The following COX7B2 variants were observed in gnomAD, a reference collection of about 807,000 sequenced individuals.
COX7B2 encodes the protein cytochrome c oxidase subunit 7B2, mitochondrial.
For synonymous variants in COX7B2, 37 were observed against 32.1 expected, an observed-to-expected ratio of 1.15 and a Z score of -0.51; for missense variants, 109 against 95.9, an observed-to-expected ratio of 1.14 and a Z score of -0.57.
At chr4:46,898,696 A>T (rs954014730) in intron 1 of COX7B2, among the ~76,000 whole-genome samples, 2 of 152,144 alleles carry the variant, frequency 1.3e-5, no homozygotes, top group African/African-American at 2.4e-5. Flanking sequence ...AAATGCTGGG[A>T]TTACAAGCGT....
At chr4:46,784,532 G>C (rs1268388222) in intron 2 of COX7B2, among the ~76,000 whole-genome samples, 3 of 152,166 alleles carry the variant, frequency 2.0e-5, no homozygotes, top group Admixed American at 2.0e-4. Flanking sequence ...GGCTGAGGCA[G>C]GAGAATTGTT....
At chr4:46,758,516 C>A (rs558455153) in intron 2 of COX7B2, among the ~76,000 whole-genome samples, 1 of 152,160 alleles carries the variant, frequency 6.6e-6, no homozygotes, top group African/African-American at 2.4e-5. Context: ...GGTGACGAAG[C>A]TGATATTACA....
chr4:46,784,313 T>C (rs1717638012), intron 2 of COX7B2, among the ~76,000 whole-genome samples: 1 of 152,092 alleles, frequency 6.6e-6, no homozygotes, highest in Admixed American at 6.6e-5. Context: ...AATTTAGCCT[T>C]AGACATTAAA....
At chr4:46,884,268 G>A (rs1718930647) in intron 1 of COX7B2, among the ~76,000 whole-genome samples, 4 of 152,074 alleles carry the variant, frequency 2.6e-5, no homozygotes. Context: ...ATAGCTCCCT[G>A]CAGCCTGGAA....
At chr4:46,872,501 A>G (rs1718055332) in intron 1 of COX7B2, among the ~76,000 whole-genome samples, 1 of 152,132 alleles carries the variant, frequency 6.6e-6, no homozygotes, top group African/African-American at 2.4e-5. Context: ...GATAAATACA[A>G]CTGGCTCTTG....
chr4:46,798,360 G>A (rs1718470116), intron 2 of COX7B2, among the ~76,000 whole-genome samples: 2 of 152,140 alleles, frequency 1.3e-5, no homozygotes, highest in African/African-American at 4.8e-5. Flanking sequence ...TTTACCTAGT[G>A]ACCCAAAAAG....
chr4:46,781,945 C>T (rs989419721), intron 2 of COX7B2, among the ~76,000 whole-genome samples: 20 of 152,162 alleles, frequency 1.3e-4, no homozygotes, highest in South Asian at 2.1e-4. Context: ...CCCCCCATCC[C>T]GCCCGGAGGG....
intron 2 of COX7B2, among the ~76,000 whole-genome samples, chr4:46,782,593 T>C (rs969313595): frequency 6.6e-6 from 1 of 152,180 alleles, no homozygotes; most frequent in African/African-American, 2.4e-5. Flanking sequence ...CCTTCCAGGC[T>C]GTGGAAGCTT....
rs117404196 is a variant in COX7B2, at chr4:46,791,605, T to C, written c.-50+53355A>G. On this transcript the variant is annotated intron_variant, in intron 2 of 2. Coordinates refer to ENST00000355591, the MANE Select transcript of COX7B2 (RefSeq NM_130902.3). ...CCAAAATTCTAAAGTGTTGGGCAGCTATTTTTCTAACACTCAACTAAACGG... is the reference window on the plus strand; with the variant it reads ...CCAAAATTCTAAAGTGTTGGGCAGCCATTTTTCTAACACTCAACTAAACGG... 6.3e-4 allele frequency among the ~76,000 whole-genome samples: 96 copies of C among 152,326 alleles called. 1 individual carries two copies. In the East Asian group the frequency reaches 0.015, roughly 24 times the overall value.
intron 1 of COX7B2, among the ~76,000 whole-genome samples, chr4:46,860,828 G>A (rs916033310): frequency 7.2e-5 from 11 of 152,122 alleles, no homozygotes; most frequent in African/African-American, 2.2e-4. Context: ...GGTTGTGAGA[G>A]GTCCCCTGTT....
At chr4:46,804,303 C>G (rs7435882) in intron 2 of COX7B2, among the ~76,000 whole-genome samples, 5 of 151,898 alleles carry the variant, frequency 3.3e-5, no homozygotes, top group Admixed American at 6.6e-5. Context: ...TTCCACGGTA[C>G]GGAAAGGGAC....
At chr4:46,798,398 G>C (rs952409185) in intron 2 of COX7B2, among the ~76,000 whole-genome samples, 1 of 152,210 alleles carries the variant, frequency 6.6e-6, no homozygotes, top group African/African-American at 2.4e-5. Context: ...GGCCATCAAA[G>C]GAAGGCTCTA....
chr4:46,740,837 C>A (rs1018474352), intron 2 of COX7B2, among the ~76,000 whole-genome samples: 1 of 152,040 alleles, frequency 6.6e-6, no homozygotes, highest in Non-Finnish European at 1.5e-5. Context: ...ATTCACTTAA[C>A]CTCTGGGTTG....
chr4:46,783,534 T>G (rs1717593346), intron 2 of COX7B2, among the ~76,000 whole-genome samples: 1 of 152,184 alleles, frequency 6.6e-6, no homozygotes, highest in Non-Finnish European at 1.5e-5. Flanking sequence ...GAAAATAAGC[T>G]CACTGAATAA....
intron 1 of COX7B2, among the ~76,000 whole-genome samples, chr4:46,899,023 C>T (rs1275123883): frequency 6.6e-6 from 1 of 152,078 alleles, no homozygotes; most frequent in Admixed American, 6.6e-5. Context: ...AAAAAATTAA[C>T]AAATTATGTT....
At chr4:46,770,202 G>A (rs557256425) in intron 2 of COX7B2, among the ~76,000 whole-genome samples, 3 of 152,066 alleles carry the variant, frequency 2.0e-5, no homozygotes, top group South Asian at 2.1e-4. Flanking sequence ...ACACTAACAA[G>A]GAACTGCTTG....
chr4:46,844,857 G>A (rs1716166667), intron 2 of COX7B2, 103 bp downstream of exon 2: 1 of 151,982 alleles, frequency 6.6e-6, no homozygotes, highest in African/African-American at 2.4e-5. Flanking sequence ...AATGAATTCA[G>A]TGTGAATTTT....
Position 46,883,321 on chromosome 4 carries a change from T to C in COX7B2, c.-105+25839A>G, listed in dbSNP as rs555049155. Reference sequence around the variant, plus strand: ...GGTATTTTGGTAGAAGTCATGATTGTCTGGCTTAATTTACATAAATAACCT... The same window carrying C: ...GGTATTTTGGTAGAAGTCATGATTGCCTGGCTTAATTTACATAAATAACCT... On this transcript the variant is annotated intron_variant, in intron 1 of 2. Transcript: ENST00000355591. Among the ~76,000 whole-genome samples the C allele has an allele frequency of 4.6e-5, 7 of 152,308 alleles. No individual in the cohort carries two copies. In the East Asian group the frequency reaches 9.6e-4, roughly 21 times the overall value.
intron 2 of COX7B2, among the ~76,000 whole-genome samples, chr4:46,817,077 G>A (rs1267428756): frequency 6.6e-6 from 1 of 152,180 alleles, no homozygotes; most frequent in East Asian, 1.9e-4. Context: ...GAAAAAAGAG[G>A]ATAGAGTCAT....
Sources: allele counts gnomAD v4.1 joint callset (sites outside exome capture counted in the v4.1 genomes callset), GRCh38; gene constraint gnomAD v4.1.1; transcripts MANE v1.5; gene names NCBI Gene and HGNC (gene_info 2026-07-23, HGNC 2026-07-21).